Variants in SLC47A1 observed in about 807,000 individuals in gnomAD.
SLC47A1 encodes the protein multidrug and toxin extrusion protein 1.
SLC47A1 carries 58 observed loss-of-function variants against 65.8 expected under a neutral mutation model. That is an observed-to-expected ratio of 0.88 (90% CI 0.71 to 1.10). The LOEUF is 1.10. Among genes scored for constraint, SLC47A1 ranks in the 50% least tolerant of loss-of-function variants. The pLI is 0.00. For missense variants in SLC47A1, 706 were observed against 719.2 expected, an observed-to-expected ratio of 0.98 and a Z score of 0.21; for synonymous variants, 285 against 295.0, an observed-to-expected ratio of 0.97 and a Z score of 0.35.
Position 19,578,071 on chromosome 17 carries a change from C to T in SLC47A1, c.*518C>T. 1 of 867,100 alleles carries T rather than the reference C, an allele frequency of 1.2e-6. No homozygotes were observed. Among genetic ancestry groups the T allele is most frequent in the Non-Finnish European group, 1.7e-6 (1 of 603,790 alleles). 53.7% of individuals were successfully genotyped at this position (867,100 alleles called of 1,614,324 possible). Reference sequence around the variant, plus strand: ...GATCATAGCTCACTGCAGCCTCGAACTCTTGGGCTTCAAGCAATCCTCCTG... The same window carrying T: ...GATCATAGCTCACTGCAGCCTCGAATTCTTGGGCTTCAAGCAATCCTCCTG... On this transcript the variant is annotated 3_prime_UTR_variant, in exon 17 of 17. Transcript: ENST00000270570.
chr17:19,563,597 T>A (rs1264740999), intron 12 of SLC47A1, among the ~76,000 whole-genome samples: 1 of 152,084 alleles, frequency 6.6e-6, no homozygotes, highest in African/African-American at 2.4e-5. Flanking sequence ...AAATATAACA[T>A]TGGTGCCAAA....
chr17:19,575,993 G>C (rs2084436635), intron 16 of SLC47A1, among the ~76,000 whole-genome samples: 1 of 152,108 alleles, frequency 6.6e-6, no homozygotes, highest in Non-Finnish European at 1.5e-5. Flanking sequence ...TTGAGGGATA[G>C]TAAATGAGTA....
At chr17:19,558,007 T>A (rs1305787366) in intron 10 of SLC47A1, 2 of 216,948 alleles carry the variant, frequency 9.2e-6, no homozygotes, top group African/African-American at 4.6e-5. Context: ...TACACTTGTA[T>A]TTCTTAATCA....
chr17:19,548,657 G>A (rs1007034786), intron 4 of SLC47A1, among the ~76,000 whole-genome samples: 2 of 151,950 alleles, frequency 1.3e-5, no homozygotes, highest in East Asian at 1.9e-4. Context: ...CTACTACCAC[G>A]CCTGGCTAAT....
At chr17:19,538,791 T>A (rs946880287) in intron 1 of SLC47A1, among the ~76,000 whole-genome samples, 2 of 152,170 alleles carry the variant, frequency 1.3e-5, no homozygotes, top group African/African-American at 4.8e-5. Flanking sequence ...GGAGAGGCTG[T>A]CTGGAGGTGC....
At chr17:19,534,995 G>A (rs1356807245) in intron 1 of SLC47A1, 7 of 152,370 alleles carry the variant, frequency 4.6e-5, no homozygotes, top group African/African-American at 1.7e-4. Context: ...GGGCTGAGGG[G>A]GGCCGCTGTG....
chr17:19,558,817 G>C (rs1265738175), intron 10 of SLC47A1, among the ~76,000 whole-genome samples: 1 of 152,014 alleles, frequency 6.6e-6, no homozygotes, highest in Non-Finnish European at 1.5e-5. Flanking sequence ...CTTTCCCTTT[G>C]TAATGAATAA....
chr17:19,548,961 T>C (rs1916369308), intron 4 of SLC47A1, among the ~76,000 whole-genome samples: 1 of 152,168 alleles, frequency 6.6e-6, no homozygotes, highest in Non-Finnish European at 1.5e-5. Context: ...TGACAATGTC[T>C]GAAGACATTT....
intron 5 of SLC47A1, among the ~76,000 whole-genome samples, chr17:19,549,987 T>A (rs1916401835): frequency 6.6e-6 from 1 of 152,230 alleles, no homozygotes; most frequent in Non-Finnish European, 1.5e-5. Context: ...TCAGAACCCC[T>A]GAGGGTGTCA....
intron 5 of SLC47A1, 75 bp downstream of exon 5, chr17:19,549,752 A>C: frequency 6.7e-7 from 1 of 1,481,680 alleles, no homozygotes; most frequent in Non-Finnish European, 9.4e-7. Context: ...CTGTGAGCTC[A>C]GTGTATTGGC....
At chr17:19,565,700 C>G (rs985364544) in intron 12 of SLC47A1, among the ~76,000 whole-genome samples, 10 of 151,572 alleles carry the variant, frequency 6.6e-5, no homozygotes, top group African/African-American at 2.4e-4. Flanking sequence ...CCTGTCTCAG[C>G]CTCCCCAGCA....
At chr17:19,540,070 T>C (rs140282619) in intron 1 of SLC47A1, among the ~76,000 whole-genome samples, 63 of 152,300 alleles carry the variant, frequency 4.1e-4, no homozygotes, top group African/African-American at 1.3e-3. Context: ...GCATTGACAT[T>C]GAAGATGCAT....
At chr17:19,550,533 C>A (rs1916418015) in intron 5 of SLC47A1, among the ~76,000 whole-genome samples, 1 of 152,142 alleles carries the variant, frequency 6.6e-6, no homozygotes, top group Non-Finnish European at 1.5e-5. Context: ...CCAGGCTGGT[C>A]TCAAACTCCT....
chr17:19,545,222 T>G (rs1274359890), intron 2 of SLC47A1, among the ~76,000 whole-genome samples: 1 of 150,692 alleles, frequency 6.6e-6, no homozygotes, highest in East Asian at 1.9e-4. Flanking sequence ...TGAGATGGAG[T>G]CTTGTTCTGT....
chr17:19,537,388 C>G (rs1916017532), intron 1 of SLC47A1, among the ~76,000 whole-genome samples: 1 of 152,188 alleles, frequency 6.6e-6, no homozygotes, highest in Non-Finnish European at 1.5e-5. Flanking sequence ...AGATATTGAT[C>G]AGGAAGTGGT....
chr17:19,570,725 G>A (rs2084393414), intron 14 of SLC47A1: 1 of 152,278 alleles, frequency 6.6e-6, no homozygotes, highest in Non-Finnish European at 1.5e-5. Flanking sequence ...TCTTGGGCAG[G>A]GTGCTGCAGG....
chr17:19,537,733 T>C (rs1916031544), intron 1 of SLC47A1, among the ~76,000 whole-genome samples: 1 of 152,184 alleles, frequency 6.6e-6, no homozygotes, highest in Non-Finnish European at 1.5e-5. Context: ...TGCCTCCTGC[T>C]CAGAACCCTT....
At chr17:19,549,955 C>T (rs919472630) in intron 5 of SLC47A1, among the ~76,000 whole-genome samples, 8 of 152,214 alleles carry the variant, frequency 5.3e-5, no homozygotes, top group African/African-American at 1.4e-4. Flanking sequence ...TTATTGTAAA[C>T]AAGGGCAAAG....
intron 16 of SLC47A1, among the ~76,000 whole-genome samples, chr17:19,574,629 T>C (rs1047180906): frequency 6.6e-6 from 1 of 152,188 alleles, no homozygotes; most frequent in Admixed American, 6.5e-5. Flanking sequence ...CGCATAACAA[T>C]AGCACTTATC....
Sources: gnomAD v4.1 joint callset for allele counts (sites outside exome capture counted in the v4.1 genomes callset) on GRCh38, gnomAD v4.1.1 for gene constraint, MANE v1.5 for transcripts, NCBI Gene and HGNC (gene_info 2026-07-23, HGNC 2026-07-21) for gene names.